Variants in CDK14 observed in about 807,000 individuals in gnomAD.
CDK14 encodes cyclin dependent kinase 14, also known as cyclin-dependent kinase 14.
In CDK14, 34 loss-of-function variants were observed where a neutral mutation model predicts 60.7. The observed-to-expected ratio is 0.56, with a 90% CI of 0.43 to 0.75. CDK14 has a LOEUF of 0.75. Among genes scored for constraint, CDK14 ranks in the 30% least tolerant of loss-of-function variants. CDK14 has a pLI of 0.00. For missense variants in CDK14, 482 were observed against 564.1 expected (o/e 0.85, Z 1.47); for synonymous variants, 197 against 203.7 (o/e 0.97, Z 0.28).
At chr7:90,772,854 A>G (rs1431062073) in intron 4 of CDK14, among the ~76,000 whole-genome samples, 4 of 152,214 alleles carry the variant, frequency 2.6e-5, no homozygotes, top group African/African-American at 4.8e-5. Flanking sequence ...TAGATGACCA[A>G]TTATTAAAGT....
intron 2 of CDK14, among the ~76,000 whole-genome samples, chr7:90,683,078 C>T (rs13235965): frequency 0.19 from 29,278 of 152,078 alleles, 2,999 homozygotes; most frequent in African/African-American, 0.23. Context: ...TAATTCCATA[C>T]AGATGCCTTG....
intron 14 of CDK14, among the ~76,000 whole-genome samples, chr7:91,136,106 T>C (rs1484337828): frequency 6.6e-6 from 1 of 152,196 alleles, no homozygotes; most frequent in Non-Finnish European, 1.5e-5. Flanking sequence ...ACAAAGTGTT[T>C]ATGTCTAAAA....
chr7:90,713,628 T>C (rs1024801544), intron 2 of CDK14, among the ~76,000 whole-genome samples: 1 of 80,328 alleles, frequency 1.2e-5, no homozygotes, highest in African/African-American at 5.9e-5. Context: ...TTGGAAGTAC[T>C]TTTTTTTTTT....
chr7:90,858,991 T>G (rs1343128485), intron 5 of CDK14, among the ~76,000 whole-genome samples: 1 of 152,228 alleles, frequency 6.6e-6, no homozygotes, highest in Non-Finnish European at 1.5e-5. Context: ...CTTTCTCACT[T>G]GAGTGCTGGT....
At chr7:90,820,730 G>C (rs1300356159) in intron 5 of CDK14, among the ~76,000 whole-genome samples, 2 of 152,134 alleles carry the variant, frequency 1.3e-5, no homozygotes, top group South Asian at 2.1e-4. Flanking sequence ...CTGATTTCCA[G>C]TCCACATCTC....
intron 14 of CDK14, among the ~76,000 whole-genome samples, chr7:91,172,470 C>T (rs910859042): frequency 3.3e-5 from 5 of 152,222 alleles, no homozygotes; most frequent in African/African-American, 1.2e-4. Flanking sequence ...TATTCCTACT[C>T]CTTACCACTG....
intron 5 of CDK14, among the ~76,000 whole-genome samples, chr7:90,818,050 G>A (rs913911139): frequency 1.3e-5 from 2 of 152,146 alleles, no homozygotes; most frequent in African/African-American, 4.8e-5. Flanking sequence ...CCGGAGGCAG[G>A]ATTATAGAAG....
chr7:91,026,571 G>T (rs1255081948), intron 10 of CDK14, among the ~76,000 whole-genome samples: 2 of 152,128 alleles, frequency 1.3e-5, no homozygotes, highest in African/African-American at 4.8e-5. Flanking sequence ...TCCATCAAAG[G>T]TCAACATATG....
At chr7:90,723,268 C>T (rs1005542593) in intron 2 of CDK14, among the ~76,000 whole-genome samples, 8 of 152,174 alleles carry the variant, frequency 5.3e-5, no homozygotes, top group African/African-American at 1.9e-4. Context: ...AACTTAACAT[C>T]TTAAAACAAC....
At chr7:91,154,139 G>T (rs1235438635) in intron 14 of CDK14, among the ~76,000 whole-genome samples, 1 of 151,384 alleles carries the variant, frequency 6.6e-6, no homozygotes, top group Non-Finnish European at 1.5e-5. Flanking sequence ...TATATTTCCA[G>T]GTTTTAGGGG....
intron 14 of CDK14, among the ~76,000 whole-genome samples, chr7:91,122,409 A>G (rs1799805486): frequency 6.6e-6 from 1 of 152,194 alleles, no homozygotes; most frequent in African/African-American, 2.4e-5. Context: ...TTTTTTTAGA[A>G]ACCTGCTTTT....
intron 4 of CDK14, among the ~76,000 whole-genome samples, chr7:90,751,109 T>G (rs1313386965): frequency 6.6e-6 from 1 of 151,714 alleles, no homozygotes; most frequent in East Asian, 1.9e-4. Context: ...GAAAACATAT[T>G]TGAGGGAATA....
intron 11 of CDK14, among the ~76,000 whole-genome samples, chr7:91,077,313 G>A (rs1419391857): frequency 6.6e-6 from 1 of 152,186 alleles, no homozygotes; most frequent in African/African-American, 2.4e-5. Flanking sequence ...ATACTACGTA[G>A]CCATAAAAAG....
At chr7:90,723,317 G>T (rs1444072790) in intron 2 of CDK14, among the ~76,000 whole-genome samples, 2 of 152,108 alleles carry the variant, frequency 1.3e-5, no homozygotes. Flanking sequence ...TGGGTCTCTT[G>T]CAGATGCTCC....
At chr7:91,199,317 A>G (rs2115985026) in intron 14 of CDK14, among the ~76,000 whole-genome samples, 1 of 151,888 alleles carries the variant, frequency 6.6e-6, no homozygotes, top group East Asian at 1.9e-4. Flanking sequence ...TGTATACAAT[A>G]TTATATGTTT....
At chr7:90,873,550 T>C (rs751094272) in intron 6 of CDK14, among the ~76,000 whole-genome samples, 2 of 152,218 alleles carry the variant, frequency 1.3e-5, no homozygotes, top group Non-Finnish European at 2.9e-5. Flanking sequence ...GTGCATTCTA[T>C]ACTTTGGTAA....
chr7:91,187,329 T>C lies in CDK14; in HGVS notation c.*29-19836T>C, dbSNP rs138556404. ...GTGAGGGCATATATCATGGGGACTA[T>C]GTGGGAATTTCTTAAGACAGATGGT... is the stretch of plus-strand genomic sequence containing the variant. On this transcript the variant is annotated intron_variant, in intron 14 of 14. Coordinates refer to ENST00000380050, the MANE Select transcript of CDK14 (RefSeq NM_001287135.2). Among the ~76,000 whole-genome samples the C allele has an allele frequency of 2.6e-3, 390 of 152,332 alleles. 2 individuals carry two copies. Among genetic ancestry groups the C allele is most frequent in the African/African-American group, 8.3e-3 (347 of 41,580 alleles).
At chr7:91,129,258 C>A (rs891360202) in intron 14 of CDK14, among the ~76,000 whole-genome samples, 9 of 152,172 alleles carry the variant, frequency 5.9e-5, no homozygotes, top group Non-Finnish European at 1.3e-4. Flanking sequence ...ACTGCTGGCT[C>A]CTTAGCATGA....
Position 91,032,469 on chromosome 7 carries a change from G to C in CDK14, c.1042-13428G>C, listed in dbSNP as rs55786562. Among the ~76,000 whole-genome samples the C allele has an allele frequency of 2.8e-4, 42 of 152,268 alleles. No homozygotes were observed. The South Asian group carries it at 8.7e-3, about 32-fold the overall frequency. On this transcript the variant is annotated intron_variant, in intron 10 of 14. Transcript: ENST00000380050. Reference sequence around the variant, plus strand: ...TGCAGGTGGGATTAAGTTGAGGGTCGTGAAATGGGGTAATTATCGTTGAGT... The same window carrying C: ...TGCAGGTGGGATTAAGTTGAGGGTCCTGAAATGGGGTAATTATCGTTGAGT...
Sources: gnomAD v4.1 joint callset for allele counts (sites outside exome capture counted in the v4.1 genomes callset) on GRCh38, gnomAD v4.1.1 for gene constraint, MANE v1.5 for transcripts, NCBI Gene and HGNC (gene_info 2026-07-23, HGNC 2026-07-21) for gene names.